The following ZNF454 variants were observed in gnomAD, a reference collection of about 807,000 sequenced individuals.
The protein encoded by ZNF454 is zinc finger protein 454.
ZNF454 carries 30 observed loss-of-function variants against 48.2 expected under a neutral mutation model. That is an observed-to-expected ratio of 0.62 (90% CI 0.47 to 0.84). ZNF454 has a LOEUF of 0.84. Among genes scored for constraint, ZNF454 ranks in the 40% least tolerant of loss-of-function variants. ZNF454 has a pLI of 0.00. For missense variants in ZNF454, 510 were observed against 623.1 expected, an observed-to-expected ratio of 0.82 and a Z score of 1.93; for synonymous variants, 204 against 211.4, an observed-to-expected ratio of 0.97 and a Z score of 0.30.
the ZNF454 span, among the ~76,000 whole-genome samples, chr5:178,974,096 G>A: frequency 1.3e-5 from 2 of 152,136 alleles, no homozygotes; most frequent in Non-Finnish European, 2.9e-5. Flanking sequence ...GCAGGAAAAC[G>A]TGGATGCCTG....
At chr5:178,982,692 TAA>T in the ZNF454 span, 1,952 of 430,492 alleles carry the variant, frequency 4.5e-3, 1 homozygote, top group Non-Finnish European at 6.0e-3. Context: ...ATGAAAATGA[TAA>T]AAAAAAAAAA....
At position 178,965,238 on chromosome 5, in the gene ZNF454, A is replaced by T; in HGVS notation, c.834A>T (p.Gly278=). ...AGCCTTTTGAATGCAACTTATGTGG[A>T]AAAGCTTTTATCCGAAATATACACC... The part of the protein sequence containing the change: ...GEKPFECNLC[G]KAFIRNIHLA... Residue 278 remains glycine, a synonymous_variant, in exon 5 of 5, where the codon GGA becomes GGT. Coordinates refer to ENST00000519564, the MANE Select transcript of ZNF454 (RefSeq NM_001178089.3). The surrounding 1 kb of genome is among the most constrained non-coding windows in gnomAD (Gnocchi z 5.2). 6 of 1,614,154 alleles carry T rather than the reference A, an allele frequency of 3.7e-6. No individual in the cohort carries two copies. The highest frequency in any genetic ancestry group is 5.1e-6 in the Non-Finnish European group (6 of 1,180,014).
At chr5:178,961,438 TAATA>T (rs1375907462) in intron 4 of ZNF454, among the ~76,000 whole-genome samples, 2 of 151,716 alleles carry the variant, frequency 1.3e-5, no homozygotes. Context: ...CTTTTATTGT[TAATA>T]AATAAAACCA....
the ZNF454 span, among the ~76,000 whole-genome samples, chr5:178,985,069 C>T: frequency 1.2e-4 from 19 of 152,256 alleles, no homozygotes; most frequent in South Asian, 6.2e-4. Context: ...CAGCACGAAA[C>T]GCTGGCCACT....
intron 4 of ZNF454, among the ~76,000 whole-genome samples, chr5:178,952,138 C>T (rs1487636447): frequency 2.0e-5 from 3 of 151,524 alleles, no homozygotes; most frequent in Admixed American, 6.6e-5. Flanking sequence ...CCCGGGTTCA[C>T]GCCATTCTCC....
chr5:178,946,805 A>G lies in ZNF454; in HGVS notation c.161-92A>G, dbSNP rs1263606127. 4.1e-6 allele frequency: 5 copies of G among 1,220,578 alleles called. No homozygotes were observed. The highest frequency in any genetic ancestry group is 1.5e-5 in the African/African-American group (1 of 66,094). The allele number at this position is 1,220,578 out of a possible 1,614,324, so 75.6% of individuals were successfully genotyped here. A position where few individuals can be genotyped will look rare whatever the true frequency, so the allele number is the denominator to read the frequency against. The stretch of plus-strand genomic sequence containing the variant: ...GCTTTCCTATCAAGTCCCATTTCCC[A>G]GCAAGCTCTGAGGACCAGGCTTTGT... On this transcript the variant is annotated intron_variant, in intron 3 of 4. Coordinates refer to ENST00000519564, the MANE Select transcript of ZNF454 (RefSeq NM_001178089.3). The surrounding 1 kb of genome is among the most constrained non-coding windows in gnomAD (Gnocchi z 4.5).
intron 4 of ZNF454, among the ~76,000 whole-genome samples, chr5:178,963,082 A>C (rs1328063056): frequency 6.6e-6 from 1 of 151,854 alleles, no homozygotes; most frequent in Non-Finnish European, 1.5e-5. Context: ...TGTAAAGCTT[A>C]AGAATTCAAT....
At chr5:178,986,604 C>A in the ZNF454 span, 5 of 1,604,262 alleles carry the variant, frequency 3.1e-6, no homozygotes, top group African/African-American at 1.3e-5. Context: ...TGAACTCGTC[C>A]ACCTGGAAGC....
rs753623730 is a variant in ZNF454, at chr5:178,964,947, T to G, written c.543T>G (p.Ser181Arg). The change falls in exon 5 of 5, where the codon AGT becomes AGG. Residue 181 changes from serine to arginine, a missense_variant. Around this residue, in one of 3 missense-constraint regions of ZNF454, gnomAD observed 354 missense variants for 408.9 expected, o/e 0.87. Coordinates refer to ENST00000519564, the MANE Select transcript of ZNF454 (RefSeq NM_001178089.3). ...CTAGCAAAAATGCCTTTGAGTGTAG[T>G]GAGTGTGGAAAAGTCTTCTCTAAGA... ...FQPSKNAFEC[S>R]ECGKVFSKSS... 3.1e-6 allele frequency: 5 copies of G among 1,614,188 alleles called. No individual in the cohort carries two copies. Among genetic ancestry groups the G allele is most frequent in the Non-Finnish European group, 4.2e-6 (5 of 1,180,040 alleles).
the ZNF454 span, among the ~76,000 whole-genome samples, chr5:178,985,470 GA>G: frequency 1.3e-5 from 2 of 151,542 alleles, no homozygotes; most frequent in Admixed American, 6.6e-5. Flanking sequence ...TTGGGAGGCC[GA>G]GGTGGGCGGA....
At chr5:178,981,590 C>T in the ZNF454 span, 26 of 1,275,720 alleles carry the variant, frequency 2.0e-5, no homozygotes, top group African/African-American at 4.4e-5. This position sits in a 1 kb window ranked among gnomAD's most constrained non-coding sequence, Gnocchi z 5.1. Context: ...GGGCTCTATA[C>T]AGCTTCCACC....
intron 4 of ZNF454, among the ~76,000 whole-genome samples, chr5:178,958,155 T>C (rs1017811691): frequency 2.0e-4 from 30 of 152,174 alleles, no homozygotes; most frequent in African/African-American, 5.6e-4. Flanking sequence ...AGTACATAGA[T>C]CATAAATGTC....
chr5:178,985,603 T>C, the ZNF454 span: 13 of 350,150 alleles, frequency 3.7e-5, 1 homozygote, highest in South Asian at 1.3e-4. Flanking sequence ...CTCGGGAGGC[T>C]GAGGCAGGAG....
the ZNF454 span, among the ~76,000 whole-genome samples, chr5:178,984,636 G>A: frequency 7.2e-5 from 11 of 152,118 alleles, no homozygotes; most frequent in South Asian, 2.1e-4. Context: ...ACCTCAGGCC[G>A]GGACGTAGAG....
intron 4 of ZNF454, among the ~76,000 whole-genome samples, chr5:178,964,348 C>T (rs1282534846): frequency 6.6e-6 from 1 of 152,116 alleles, no homozygotes; most frequent in Non-Finnish European, 1.5e-5. Flanking sequence ...TCTCGATCTC[C>T]TGACCTCGTG....
intron 2 of ZNF454, among the ~76,000 whole-genome samples, chr5:178,945,976 C>T (rs1331498354): frequency 2.0e-5 from 3 of 152,088 alleles, no homozygotes; most frequent in Non-Finnish European, 2.9e-5. Flanking sequence ...CTGCGCTGAG[C>T]GAGCGGTGTT....
At chr5:178,984,010 T>C in the ZNF454 span, among the ~76,000 whole-genome samples, 4 of 152,194 alleles carry the variant, frequency 2.6e-5, no homozygotes, top group Non-Finnish European at 4.4e-5. Context: ...CTGGAAGGGA[T>C]GCTTTGCAGT....
At chr5:178,958,421 A>G (rs1359116125) in intron 4 of ZNF454, among the ~76,000 whole-genome samples, 2 of 152,236 alleles carry the variant, frequency 1.3e-5, no homozygotes, top group African/African-American at 4.8e-5. Flanking sequence ...ACTTGGAACA[A>G]TAGTTGGTTC....
At chr5:178,980,121 C>T in the ZNF454 span, 2 of 154,328 alleles carry the variant, frequency 1.3e-5, no homozygotes, top group African/African-American at 2.4e-5. The surrounding 1 kb of genome is among the most constrained non-coding windows in gnomAD (Gnocchi z 4.3). Context: ...CCTAGTCCCA[C>T]GGTCAAAACC....
Sources: gnomAD v4.1 joint callset for allele counts (sites outside exome capture counted in the v4.1 genomes callset) on GRCh38, gnomAD v4.1.1 for gene constraint, gnomAD v4.1.1 regional missense constraint, Gnocchi (gnomAD v3.1) non-coding constraint, MANE v1.5 for transcripts, NCBI Gene and HGNC (gene_info 2026-07-23, HGNC 2026-07-21) for gene names.